Variants in STARD13 observed in about 807,000 individuals in gnomAD.
The protein encoded by STARD13 is stAR-related lipid transfer protein 13.
Under a neutral mutation model 106.4 loss-of-function variants are expected in STARD13, and 62 were observed. The observed-to-expected ratio is 0.58, with a 90% CI of 0.48 to 0.72. STARD13 has a LOEUF of 0.72. STARD13 is among the 30% of genes least tolerant of loss of function. The pLI, the probability that STARD13 is intolerant of heterozygous loss-of-function variation, is 0.00. For missense variants in STARD13, 1,387 were observed against 1,424.0 expected, an observed-to-expected ratio of 0.97 and a Z score of 0.42; for synonymous variants, 565 against 553.0, an observed-to-expected ratio of 1.02 and a Z score of -0.31.
At chr13:33,496,193 A>G in the STARD13 span, among the ~76,000 whole-genome samples, 2 of 145,680 alleles carry the variant, frequency 1.4e-5, no homozygotes, top group East Asian at 2.0e-4. Context: ...TTTATAATAT[A>G]CTTATATAAT....
At chr13:33,623,059 A>AC in the STARD13 span, among the ~76,000 whole-genome samples, 1 of 152,150 alleles carries the variant, frequency 6.6e-6, no homozygotes, top group Non-Finnish European at 1.5e-5. Flanking sequence ...AGATTGTGCC[A>AC]TGCACTCCAG....
intron 1 of STARD13, among the ~76,000 whole-genome samples, chr13:33,269,626 A>T (rs1891062199): frequency 6.6e-6 from 1 of 152,180 alleles, no homozygotes; most frequent in Admixed American, 6.5e-5. Context: ...GACTTATGAC[A>T]CTTGGACTTG....
At chr13:33,283,978 T>C (rs1016623466) in intron 1 of STARD13, among the ~76,000 whole-genome samples, 1 of 152,236 alleles carries the variant, frequency 6.6e-6, no homozygotes, top group Non-Finnish European at 1.5e-5. Flanking sequence ...GGAACATTTA[T>C]ATCTTGTAGA....
chr13:33,271,420 G>GC (rs1891152990), intron 1 of STARD13: 1 of 152,270 alleles, frequency 6.6e-6, no homozygotes, highest in Non-Finnish European at 1.5e-5. Flanking sequence ...TGGGCCCCAG[G>GC]TGCCCCGGGA....
intron 1 of STARD13, among the ~76,000 whole-genome samples, chr13:33,222,631 T>G (rs555265840): frequency 6.6e-6 from 1 of 152,336 alleles, no homozygotes; most frequent in South Asian, 2.1e-4. Context: ...TTCTGTTGCC[T>G]TTTCCTACGA....
At chr13:33,458,182 T>C in the STARD13 span, among the ~76,000 whole-genome samples, 1 of 152,116 alleles carries the variant, frequency 6.6e-6, no homozygotes, top group Non-Finnish European at 1.5e-5. Flanking sequence ...GAGAAGGTGT[T>C]AATGTGCTCA....
At chr13:33,123,152 A>G (rs1876627782) in intron 7 of STARD13, among the ~76,000 whole-genome samples, 1 of 152,090 alleles carries the variant, frequency 6.6e-6, no homozygotes. Context: ...GGCAACAGAA[A>G]AAGTGACAAA....
the STARD13 span, among the ~76,000 whole-genome samples, chr13:33,504,565 T>G: frequency 1.3e-4 from 17 of 132,060 alleles, no homozygotes; most frequent in African/African-American, 1.9e-4. Flanking sequence ...TGAGAATACT[T>G]GGACACAGGG....
At chr13:33,542,579 G>A in the STARD13 span, among the ~76,000 whole-genome samples, 1 of 152,216 alleles carries the variant, frequency 6.6e-6, no homozygotes, top group Admixed American at 6.5e-5. Flanking sequence ...CTCCCACCAA[G>A]ACGAGGCGCG....
chr13:33,562,796 T>TTA, the STARD13 span, among the ~76,000 whole-genome samples: 13 of 146,462 alleles, frequency 8.9e-5, no homozygotes, highest in Non-Finnish European at 1.3e-4. Context: ...AAAAGCAAAA[T>TTA]TATATATATT....
the STARD13 span, among the ~76,000 whole-genome samples, chr13:33,663,159 C>A: frequency 6.6e-6 from 1 of 152,122 alleles, no homozygotes. Flanking sequence ...GAACATGGCT[C>A]ATTGCAGCCT....
intron 1 of STARD13, among the ~76,000 whole-genome samples, chr13:33,231,870 T>G (rs1278421144): frequency 6.6e-6 from 1 of 152,204 alleles, no homozygotes; most frequent in East Asian, 1.9e-4. Context: ...CACAGGGGAT[T>G]GGTTCCAGGC....
rs140164193 is a variant in STARD13 at position 33,129,643 on chromosome 13, G to A, written c.1034C>T (p.Thr345Met). The A allele has an allele frequency of 1.9e-5, 31 of 1,613,760 alleles. No homozygotes were observed. The highest frequency in any genetic ancestry group is 4.5e-5 in the East Asian group (2 of 44,892). Residue 345 changes from threonine (T) to methionine (M), a missense_variant, in exon 5 of 14, where the codon ACG becomes ATG. Transcript: ENST00000336934. ...GCACTTGCGTTCCTTCAGGCAGGGC[G>A]TGCTCACCCCGCTGCTGCTGTGCTC... ...PSEHSSSGVS[T>M]PCLKERKCHE...
chr13:33,528,282 T>C, the STARD13 span, among the ~76,000 whole-genome samples: 20 of 108,858 alleles, frequency 1.8e-4, 1 homozygote, highest in Admixed American at 1.8e-3. Flanking sequence ...ATACTCTTTT[T>C]TTTTTTGAGA....
upstream of STARD13, among the ~76,000 whole-genome samples, chr13:33,352,913 T>C (rs1488956394): frequency 6.6e-6 from 1 of 152,204 alleles, no homozygotes; most frequent in Admixed American, 6.5e-5. Flanking sequence ...CTTCACCAGA[T>C]GAAAATATCA....
chr13:33,499,369 G>A, the STARD13 span, among the ~76,000 whole-genome samples: 1 of 152,156 alleles, frequency 6.6e-6, no homozygotes, highest in Non-Finnish European at 1.5e-5. Flanking sequence ...GAGGCTAGAA[G>A]TCCAACATCA....
At chr13:33,435,095 TA>T in the STARD13 span, among the ~76,000 whole-genome samples, 1 of 152,186 alleles carries the variant, frequency 6.6e-6, no homozygotes, top group South Asian at 2.1e-4. Context: ...ACAGCCAAGC[TA>T]AGTTATGGGA....
the STARD13 span, among the ~76,000 whole-genome samples, chr13:33,622,932 A>AAAG: frequency 2.5e-5 from 3 of 118,846 alleles, no homozygotes; most frequent in African/African-American, 1.8e-4. Context: ...AAAAAAAAAA[A>AAAG]GAAAGAAAAT....
chr13:33,362,210 T>A, the STARD13 span, among the ~76,000 whole-genome samples: 1 of 152,172 alleles, frequency 6.6e-6, no homozygotes, highest in South Asian at 2.1e-4. Flanking sequence ...AAGCTTACAA[T>A]CATGGTGGAA....
Sources: allele counts gnomAD v4.1 joint callset (sites outside exome capture counted in the v4.1 genomes callset), GRCh38; gene constraint gnomAD v4.1.1; transcripts MANE v1.5; gene names NCBI Gene and HGNC (gene_info 2026-07-23, HGNC 2026-07-21).